WWOX: variants seen among roughly 807,000 people sequenced by gnomAD.
The protein encoded by WWOX is WW domain-containing oxidoreductase.
In WWOX, 69 loss-of-function variants were observed where a neutral mutation model predicts 46.2. That is an observed-to-expected ratio of 1.49 (90% CI 1.23 to 1.82). The LOEUF is 1.82. Among genes scored for constraint, WWOX ranks in the 40% most tolerant of loss-of-function variants. The pLI is 0.00. For synonymous variants in WWOX, 359 were observed against 202.6 expected (o/e 1.77, Z -6.56); for missense variants, 919 against 542.6 (o/e 1.69, Z -6.89).
chr16:78,464,678 T>TA (rs1383423171), intron 8 of WWOX, among the ~76,000 whole-genome samples: 6 of 152,148 alleles, frequency 3.9e-5, no homozygotes, highest in Non-Finnish European at 1.5e-5. Context: ...CCTCATTTCT[T>TA]ACGTTGCCCC....
rs142392417 is a variant in WWOX, at chr16:78,774,690, G to A, written c.1056+341938G>A. 3.7e-3 allele frequency among the ~76,000 whole-genome samples: 559 copies of A among 151,976 alleles called. 6 individuals carry two copies. Among genetic ancestry groups the A allele is most frequent in the South Asian group, 0.019 (93 of 4,812 alleles). The stretch of plus-strand genomic sequence containing the variant: ...CCTTGAAAGACTCATTGTCTGTGTG[G>A]GGGGAGGGGAGGCTGTACATGTCCC... On this transcript the variant is annotated intron_variant, in intron 8 of 8. Coordinates refer to ENST00000566780, the MANE Select transcript of WWOX (RefSeq NM_016373.4).
intron 8 of WWOX, among the ~76,000 whole-genome samples, chr16:78,678,953 A>C (rs534424052): frequency 3.9e-5 from 6 of 152,258 alleles, no homozygotes; most frequent in Middle Eastern, 6.8e-3. Context: ...GGCATACGGC[A>C]TCAGTTCAGC....
chr16:78,449,780 T>A (rs1294772926), intron 8 of WWOX, among the ~76,000 whole-genome samples: 1 of 152,218 alleles, frequency 6.6e-6, no homozygotes, highest in Non-Finnish European at 1.5e-5. Context: ...AGTATTTGCT[T>A]TCATGTTGCT....
At chr16:78,735,874 G>C (rs910100185) in intron 8 of WWOX, among the ~76,000 whole-genome samples, 6 of 152,196 alleles carry the variant, frequency 3.9e-5, no homozygotes, top group Non-Finnish European at 8.8e-5. Context: ...CCAGGGATCT[G>C]AGTCCCTTCT....
At chr16:78,346,232 A>C (rs2081092236) in intron 5 of WWOX, among the ~76,000 whole-genome samples, 1 of 121,456 alleles carries the variant, frequency 8.2e-6, no homozygotes. Flanking sequence ...GGTGAGTAGT[A>C]CTCCATTGTG....
intron 8 of WWOX, among the ~76,000 whole-genome samples, chr16:78,763,131 G>A (rs2049834521): frequency 6.6e-6 from 1 of 152,192 alleles, no homozygotes; most frequent in Non-Finnish European, 1.5e-5. Context: ...TGGAGATAGG[G>A]AGCTGAAGTA....
At chr16:79,179,568 A>G (rs1189736773) in intron 8 of WWOX, among the ~76,000 whole-genome samples, 3 of 152,242 alleles carry the variant, frequency 2.0e-5, no homozygotes, top group African/African-American at 4.8e-5. Flanking sequence ...GAATGATGTT[A>G]GAATCTAGGT....
intron 8 of WWOX, among the ~76,000 whole-genome samples, chr16:79,153,759 G>C (rs993738976): frequency 6.6e-6 from 1 of 152,028 alleles, no homozygotes; most frequent in South Asian, 2.1e-4. Flanking sequence ...TTTTTGGGGG[G>C]GGTTTTTTGT....
At chr16:78,271,978 AC>A (rs2079485369) in intron 5 of WWOX, among the ~76,000 whole-genome samples, 1 of 152,200 alleles carries the variant, frequency 6.6e-6, no homozygotes, top group African/African-American at 2.4e-5. Context: ...CAGGCTGCAC[AC>A]CTCATCAGCC....
chr16:79,102,320 A>C (rs1325303951), intron 8 of WWOX, among the ~76,000 whole-genome samples: 4 of 152,112 alleles, frequency 2.6e-5, no homozygotes, highest in Non-Finnish European at 1.5e-5. Context: ...GGACTCAGCT[A>C]CCTCATCTGT....
chr16:79,171,107 G>A (rs569131634), intron 8 of WWOX, among the ~76,000 whole-genome samples: 6 of 152,324 alleles, frequency 3.9e-5, no homozygotes, highest in South Asian at 2.1e-4. Flanking sequence ...TGCTAGGCAC[G>A]TGAGAGTGAG....
intron 8 of WWOX, among the ~76,000 whole-genome samples, chr16:78,708,814 GC>G (rs2048378308): frequency 6.6e-6 from 1 of 152,160 alleles, no homozygotes; most frequent in South Asian, 2.1e-4. Flanking sequence ...CCAGGTGTTG[GC>G]CATAAAAAAA....
At chr16:78,353,064 G>C (rs1348936039) in intron 5 of WWOX, among the ~76,000 whole-genome samples, 2 of 152,116 alleles carry the variant, frequency 1.3e-5, no homozygotes, top group South Asian at 2.1e-4. Flanking sequence ...TTGTAACTCA[G>C]ATTTTTGTAT....
At chr16:78,967,766 G>A (rs371959922) in intron 8 of WWOX, among the ~76,000 whole-genome samples, 62 of 152,274 alleles carry the variant, frequency 4.1e-4, no homozygotes, top group African/African-American at 1.4e-3. Context: ...GGAGACTGCA[G>A]AGGATGGCAC....
intron 8 of WWOX, among the ~76,000 whole-genome samples, chr16:78,849,549 G>A (rs2052387874): frequency 6.8e-6 from 1 of 146,452 alleles, no homozygotes; most frequent in African/African-American, 2.5e-5. Flanking sequence ...ACTCCGGCCT[G>A]GGTGACAGAG....
rs751244748 is a variant in WWOX, at chr16:78,422,818, T to TAC, written c.606-2044_606-2043dup. 1.0e-4 allele frequency among the ~76,000 whole-genome samples: 12 copies of TAC among 120,298 alleles called. 1 individual carries two copies. The highest frequency in any genetic ancestry group is 5.5e-4 in the African/African-American group (12 of 21,856). The allele number at this position is 120,298 out of a possible 152,430, so 78.9% of individuals were successfully genotyped here. On this transcript the variant is annotated intron_variant, in intron 6 of 8. Transcript: ENST00000566780. ...ACATATATATACACACACATATATA[T>TAC]ACACACACATATATATATATACATA...
chr16:79,184,285 T>A (rs999833413), intron 8 of WWOX, among the ~76,000 whole-genome samples: 2 of 152,212 alleles, frequency 1.3e-5, no homozygotes, highest in African/African-American at 4.8e-5. Flanking sequence ...TCCAATTTTC[T>A]TTGCACAAAG....
chr16:78,970,245 C>G (rs777419094), intron 8 of WWOX, among the ~76,000 whole-genome samples: 4 of 152,172 alleles, frequency 2.6e-5, no homozygotes, highest in African/African-American at 9.7e-5. Context: ...TGTTGGCTCT[C>G]AGTTAGAGAC....
At chr16:79,183,781 C>T (rs2050958925) in intron 8 of WWOX, among the ~76,000 whole-genome samples, 1 of 152,158 alleles carries the variant, frequency 6.6e-6, no homozygotes, top group African/African-American at 2.4e-5. Flanking sequence ...AAATCATCTG[C>T]CCTAGGTCCC....
Sources: gnomAD v4.1 joint callset for allele counts (sites outside exome capture counted in the v4.1 genomes callset) on GRCh38, gnomAD v4.1.1 for gene constraint, MANE v1.5 for transcripts, NCBI Gene and HGNC (gene_info 2026-07-23, HGNC 2026-07-21) for gene names.